MYO5C: variants seen among roughly 807,000 people sequenced by gnomAD.
MYO5C encodes myosin VC.
In MYO5C, 194 loss-of-function variants were observed where a neutral mutation model predicts 235.7. The observed-to-expected ratio is 0.82, with a 90% CI of 0.73 to 0.93. MYO5C has a LOEUF of 0.93. MYO5C is among the 40% of genes least tolerant of loss of function. The probability of loss-of-function intolerance (pLI) is 0.00; values close to 1 mark genes in which losing one functional copy is unlikely to be tolerated. For synonymous variants in MYO5C, 707 were observed against 754.8 expected (o/e 0.94, Z 1.04); for missense variants, 2,038 against 2,127.2 (o/e 0.96, Z 0.82).
intron 14 of MYO5C, among the ~76,000 whole-genome samples, chr15:52,248,073 A>T (rs2036391400): frequency 6.6e-6 from 1 of 152,112 alleles, no homozygotes; most frequent in Non-Finnish European, 1.5e-5. Context: ...AGCACTTACT[A>T]CCTTCTGCTT....
chr15:52,261,256 C>A (rs12903919), intron 9 of MYO5C, 129 bp from the exon 10 acceptor site: 1 of 1,082,812 alleles, frequency 9.2e-7, no homozygotes. Context: ...CACAAGGACG[C>A]CCAGCCTCAG....
At chr15:52,204,840 G>A (rs1242274809) in intron 38 of MYO5C, 25 bp downstream of exon 38, 8 of 1,608,550 alleles carry the variant, frequency 5.0e-6, no homozygotes, top group Non-Finnish European at 6.8e-6. Flanking sequence ...GCCTCTCCGC[G>A]TGAGCGGAGG....
rs79544796 is a variant in MYO5C at position 52,293,539 on chromosome 15, T to C, written c.27+2071A>G. Among the ~76,000 whole-genome samples the C allele has an allele frequency of 3.0e-3, 451 of 151,972 alleles. 1 individual carries two copies. Among genetic ancestry groups the C allele is most frequent in the Middle Eastern group, 6.8e-3 (2 of 294 alleles). ...GATGACTTTCTTAAGAAATATTTCCTCCTCATGCCACATCCTTAATTCACT... is the reference window on the plus strand; with the variant it reads ...GATGACTTTCTTAAGAAATATTTCCCCCTCATGCCACATCCTTAATTCACT... On this transcript the variant is annotated intron_variant, in intron 1 of 40. Coordinates refer to ENST00000261839, the MANE Select transcript of MYO5C (RefSeq NM_018728.4).
intron 28 of MYO5C, 55 bp downstream of exon 28, chr15:52,224,846 T>C (rs1223303159): frequency 1.0e-5 from 15 of 1,461,740 alleles, no homozygotes; most frequent in East Asian, 2.3e-5. Flanking sequence ...GACTTTCCAA[T>C]AGTCTATTTA....
At chr15:52,194,343 C>T (rs60170969) in intron 40 of MYO5C, among the ~76,000 whole-genome samples, 72,780 of 152,058 alleles carry the variant, frequency 0.48, 20,942 homozygotes, top group Non-Finnish European at 0.66. Flanking sequence ...ATTCTCATGG[C>T]ATAATTCTAA....
intron 26 of MYO5C, 38 bp from the exon 27 acceptor site, chr15:52,225,176 T>C: frequency 1.2e-6 from 2 of 1,607,156 alleles, no homozygotes; most frequent in South Asian, 1.1e-5. Context: ...ATTACATTTG[T>C]GGATGATTTA....
chr15:52,264,308 CAT>C lies in MYO5C; in HGVS notation c.941-14_941-13del. The C allele has an allele frequency of 6.3e-7, 1 of 1,599,806 alleles. No homozygotes were observed. Among genetic ancestry groups the C allele is most frequent in the Non-Finnish European group, 8.6e-7 (1 of 1,167,738 alleles). On this transcript the variant is annotated splice_polypyrimidine_tract_variant and intron_variant, in intron 8 of 40. Transcript: ENST00000261839. ...ATCCTCCTTGAAACCTAAAAACAAA[CAT>C]TTTCCCAGATTAGAATACTGCATCT...
rs142486930 is a variant in MYO5C, at chr15:52,265,801, G to A, written c.941-1505C>T. Among the ~76,000 whole-genome samples, 15 of 152,218 alleles carry A rather than the reference G, an allele frequency of 9.9e-5. No homozygotes were observed. The East Asian group carries it at 2.5e-3, about 25-fold the overall frequency. ...CCTCCTTGGCCTCCCAAAGTGCTGC[G>A]ATTATAGGAATGAGCCACTGCACCT... On this transcript the variant is annotated intron_variant, in intron 8 of 40. Transcript: ENST00000261839.
Position 52,225,125 on chromosome 15 carries a change from C to G in MYO5C, c.3315G>C (p.Glu1105Asp), listed in dbSNP as rs1459162456. The G allele has an allele frequency of 6.2e-7, 1 of 1,614,044 alleles. No homozygotes were observed. The change falls in exon 27 of 41, where the codon GAG becomes GAC. Residue 1105 changes from glutamate (E) to aspartate (D), a missense_variant. By Grantham distance (45) the Glu-to-Asp change is conservative. Transcript: ENST00000261839. ...AGCTTTCGAGAAGTTGTTTGGTGAT[C>G]TCTGACATCTTTTCTGAAAGGGAAA... ...QKREMREKMS[E>D]ITKQLLESYD...
Position 52,246,959 on chromosome 15 carries a change from T to C in MYO5C, c.1937A>G (p.Tyr646Cys). 1.2e-6 allele frequency: 2 copies of C among 1,614,034 alleles called. No homozygotes were observed. Among genetic ancestry groups the C allele is most frequent in the African/African-American group, 1.3e-5 (1 of 74,988 alleles). The change falls in exon 16 of 41, where the codon TAC becomes TGC. Residue 646 changes from tyrosine to cysteine, a missense_variant. By Grantham distance (194) the Tyr-to-Cys change is radical (BLOSUM62 -2). Transcript: ENST00000261839. ...METLNATTPH[Y>C]VRCIKPNDEK... ...ATCATTTGGCTTGATGCATCGAACG[T>C]AGTGGGGCGTCGTCGCATTGAGGGT... is the stretch of plus-strand genomic sequence containing the variant.
chr15:52,220,194 C>T (rs1252175917), intron 30 of MYO5C, among the ~76,000 whole-genome samples: 1 of 152,128 alleles, frequency 6.6e-6, no homozygotes, highest in Non-Finnish European at 1.5e-5. Flanking sequence ...AATGTTTAAA[C>T]ATTTTTAAAC....
intron 1 of MYO5C, among the ~76,000 whole-genome samples, chr15:52,291,308 T>A (rs149390330): frequency 6.6e-6 from 1 of 152,144 alleles, no homozygotes. Context: ...AGAGAAATGG[T>A]TGGTGGCACT....
chr15:52,260,965 T>C lies in MYO5C; in HGVS notation c.1210A>G (p.Lys404Glu), dbSNP rs1182665807. 6.2e-7 allele frequency: 1 copy of C among 1,614,208 alleles called. No individual in the cohort carries two copies. The highest frequency in any genetic ancestry group is 1.1e-5 in the South Asian group (1 of 91,078). ...AVNARDALAK[K>E]IYAHLFDFIV... Reference sequence around the variant, plus strand: ...AAGTCGAACAGGTGAGCATAGATCTTTTTGGCCAGTGCATCCCTGGCGTTG... The same window carrying C: ...AAGTCGAACAGGTGAGCATAGATCTCTTTGGCCAGTGCATCCCTGGCGTTG... Residue 404 changes from lysine (K) to glutamate (E), a missense_variant, in exon 10 of 41, where the codon AAG becomes GAG. Lys to Glu is a moderately conservative substitution (Grantham distance 56). Transcript: ENST00000261839.
chr15:52,245,511 C>A (rs368036725), intron 17 of MYO5C, 46 bp from the exon 18 acceptor site: 6 of 1,383,044 alleles, frequency 4.3e-6, no homozygotes, highest in African/African-American at 1.4e-5. Context: ...AGAGGAAGCA[C>A]ATTGTGTCTG....
chr15:52,239,607 T>C (rs973557196), intron 21 of MYO5C, 126 bp downstream of exon 21: 3 of 916,026 alleles, frequency 3.3e-6, no homozygotes, highest in Non-Finnish European at 3.2e-6. Flanking sequence ...CTAGCTCAGG[T>C]GGTCCACGTA....
intron 2 of MYO5C, among the ~76,000 whole-genome samples, chr15:52,281,106 CT>C (rs2037154328): frequency 6.6e-6 from 1 of 152,216 alleles, no homozygotes; most frequent in Non-Finnish European, 1.5e-5. Context: ...TTCCTTGTCT[CT>C]GTTTTTCTGT....
intron 2 of MYO5C, among the ~76,000 whole-genome samples, 176 bp from the exon 3 acceptor site, chr15:52,279,850 T>C (rs1446249728): frequency 1.3e-5 from 2 of 152,062 alleles, no homozygotes; most frequent in African/African-American, 4.8e-5. Context: ...TAATGAAAAG[T>C]AGGAGCAGGG....
At chr15:52,270,619 T>C (rs888606465) in intron 7 of MYO5C, among the ~76,000 whole-genome samples, 5 of 150,396 alleles carry the variant, frequency 3.3e-5, no homozygotes, top group African/African-American at 4.9e-5. Context: ...TATATATGTA[T>C]ATATAAATGT....
intron 1 of MYO5C, 63 bp from the exon 2 acceptor site, chr15:52,282,955 T>G: frequency 9.6e-7 from 1 of 1,038,784 alleles, no homozygotes. Context: ...CAATGCATGG[T>G]TAGACACAGG....
Sources: gnomAD v4.1 joint callset for allele counts (sites outside exome capture counted in the v4.1 genomes callset) on GRCh38, gnomAD v4.1.1 for gene constraint, MANE v1.5 for transcripts, NCBI Gene and HGNC (gene_info 2026-07-23, HGNC 2026-07-21) for gene names.